LRRTM4: variants seen among roughly 807,000 people sequenced by gnomAD.
LRRTM4 encodes leucine rich repeat transmembrane neuronal 4, also known as leucine-rich repeat transmembrane neuronal protein 4.
A neutral mutation model predicts 47.6 loss-of-function variants in LRRTM4; 25 were observed. The ratio of observed to expected loss-of-function variants is 0.53; its 90% CI spans 0.38 to 0.73. The LOEUF (loss-of-function observed/expected upper bound fraction) is 0.73. Among genes scored for constraint, LRRTM4 ranks in the 30% least tolerant of loss-of-function variants. The pLI, the probability that LRRTM4 is intolerant of heterozygous loss-of-function variation, is 0.00. For missense variants in LRRTM4, 638 were observed against 713.4 expected (o/e 0.89, Z 1.20); for synonymous variants, 311 against 269.5 (o/e 1.15, Z -1.51).
chr2:77,431,613 TC>T (rs1347074501), intron 3 of LRRTM4, among the ~76,000 whole-genome samples: 1 of 149,186 alleles, frequency 6.7e-6, no homozygotes, highest in East Asian at 1.9e-4. Flanking sequence ...CATCTAAATA[TC>T]AAAATCAGAT....
intron 3 of LRRTM4, among the ~76,000 whole-genome samples, chr2:76,765,103 A>C (rs1448543538): frequency 6.6e-6 from 1 of 152,204 alleles, no homozygotes; most frequent in African/African-American, 2.4e-5. Flanking sequence ...TTAATATCTA[A>C]AGGAGTTTGC....
chr2:77,227,129 A>G (rs1277232067), intron 3 of LRRTM4, among the ~76,000 whole-genome samples: 1 of 151,992 alleles, frequency 6.6e-6, no homozygotes, highest in African/African-American at 2.4e-5. Flanking sequence ...CTATGGAGCA[A>G]TATCTCCATT....
chr2:77,254,152 T>C (rs1172090881), intron 3 of LRRTM4, among the ~76,000 whole-genome samples: 1 of 151,864 alleles, frequency 6.6e-6, no homozygotes, highest in Admixed American at 6.6e-5. Context: ...GAAAAAAGTA[T>C]TGAAAGCAGA....
intron 3 of LRRTM4, among the ~76,000 whole-genome samples, chr2:77,317,653 G>A (rs568960919): frequency 6.6e-6 from 1 of 152,180 alleles, no homozygotes; most frequent in African/African-American, 2.4e-5. Flanking sequence ...TGTTCACACA[G>A]AACAGGCAGA....
At chr2:77,182,363 G>T (rs1308923289) in intron 3 of LRRTM4, among the ~76,000 whole-genome samples, 1 of 152,030 alleles carries the variant, frequency 6.6e-6, no homozygotes, top group Non-Finnish European at 1.5e-5. Flanking sequence ...TCACAAGTGG[G>T]AGTTGAACAA....
chr2:77,387,248 T>C (rs975390145), intron 3 of LRRTM4, among the ~76,000 whole-genome samples: 5 of 152,144 alleles, frequency 3.3e-5, no homozygotes, highest in African/African-American at 1.2e-4. Flanking sequence ...TTTCTGTGTG[T>C]TTTGCTCAGG....
At chr2:76,901,863 G>C (rs995543753) in intron 3 of LRRTM4, among the ~76,000 whole-genome samples, 1 of 152,174 alleles carries the variant, frequency 6.6e-6, no homozygotes, top group South Asian at 2.1e-4. Context: ...TAGGCATACT[G>C]TGTGCATTTG....
intron 3 of LRRTM4, among the ~76,000 whole-genome samples, chr2:76,940,380 G>T (rs535311071): frequency 1.3e-5 from 2 of 152,066 alleles, no homozygotes; most frequent in Non-Finnish European, 2.9e-5. Flanking sequence ...GCAAACTGAC[G>T]CAGGAACAGA....
intron 3 of LRRTM4, among the ~76,000 whole-genome samples, chr2:77,365,276 T>C (rs1022455999): frequency 6.6e-6 from 1 of 152,042 alleles, no homozygotes; most frequent in Non-Finnish European, 1.5e-5. Flanking sequence ...CACCTAGTTA[T>C]GTTCCATATA....
At chr2:77,481,926 A>G (rs1228818639) in intron 3 of LRRTM4, among the ~76,000 whole-genome samples, 1 of 151,614 alleles carries the variant, frequency 6.6e-6, no homozygotes, top group African/African-American at 2.4e-5. Context: ...CCTGACACCA[A>G]GCATGAAATA....
intron 3 of LRRTM4, among the ~76,000 whole-genome samples, chr2:77,324,423 T>C (rs151070800): frequency 0.013 from 2,013 of 152,262 alleles, 23 homozygotes; most frequent in Middle Eastern, 0.02. Context: ...TGTGAGAGCA[T>C]ATAAATGGAG....
chr2:76,924,138 G>A (rs1167667106), intron 3 of LRRTM4, among the ~76,000 whole-genome samples: 2 of 151,874 alleles, frequency 1.3e-5, no homozygotes, highest in Non-Finnish European at 2.9e-5. Flanking sequence ...ACTTATTTAT[G>A]TCTTTCTGAA....
chr2:76,930,071 A>G (rs1215782614), intron 3 of LRRTM4, among the ~76,000 whole-genome samples: 1 of 151,948 alleles, frequency 6.6e-6, no homozygotes, highest in Non-Finnish European at 1.5e-5. Context: ...AAGATTGGAG[A>G]TCAGTATTGT....
At chr2:77,366,438 AC>A (rs1169304289) in intron 3 of LRRTM4, among the ~76,000 whole-genome samples, 1 of 151,710 alleles carries the variant, frequency 6.6e-6, no homozygotes, top group Non-Finnish European at 1.5e-5. Flanking sequence ...TCCTTTCCTT[AC>A]TTTGTATTAT....
chr2:76,983,268 A>G (rs1398561938), intron 3 of LRRTM4, among the ~76,000 whole-genome samples: 1 of 152,026 alleles, frequency 6.6e-6, no homozygotes, highest in African/African-American at 2.4e-5. Flanking sequence ...AATCCATTTT[A>G]TAGACCCTAA....
chr2:76,837,051 GA>G (rs1671535065), intron 3 of LRRTM4, among the ~76,000 whole-genome samples: 1 of 152,000 alleles, frequency 6.6e-6, no homozygotes, highest in Admixed American at 6.6e-5. Context: ...GCAATTATAA[GA>G]ATGGAAGATC....
chr2:76,894,835 T>A (rs929224512), intron 3 of LRRTM4, among the ~76,000 whole-genome samples: 5 of 151,802 alleles, frequency 3.3e-5, no homozygotes, highest in African/African-American at 1.2e-4. Flanking sequence ...ATAATACGTC[T>A]GTTGCAATAC....
chr2:77,255,066 T>G (rs1675726019), intron 3 of LRRTM4, among the ~76,000 whole-genome samples: 1 of 151,976 alleles, frequency 6.6e-6, no homozygotes, highest in African/African-American at 2.4e-5. Flanking sequence ...TGATGATATA[T>G]GTGGTTTAAA....
chr2:76,779,756 G>T (rs367827114), intron 3 of LRRTM4, among the ~76,000 whole-genome samples: 6 of 152,098 alleles, frequency 3.9e-5, no homozygotes, highest in East Asian at 1.9e-4. Flanking sequence ...ATTTAGTCCA[G>T]TTACATTTAA....
Sources: allele counts gnomAD v4.1 joint callset (sites outside exome capture counted in the v4.1 genomes callset), GRCh38; gene constraint gnomAD v4.1.1; transcripts MANE v1.5; gene names NCBI Gene and HGNC (gene_info 2026-07-23, HGNC 2026-07-21).